GPATCH8: variants seen among roughly 807,000 people sequenced by gnomAD.
The protein encoded by GPATCH8 is G-patch domain containing 8.
In GPATCH8, 18 loss-of-function variants were observed where a neutral mutation model predicts 118.3. That is an observed-to-expected ratio of 0.15 (90% CI 0.11 to 0.23). The LOEUF (loss-of-function observed/expected upper bound fraction) is 0.23. Ranked by LOEUF, GPATCH8 falls within the 10% of genes least tolerant of loss-of-function variation. GPATCH8 has a pLI of 1.00. For missense variants in GPATCH8, 1,631 were observed against 1,873.8 expected (o/e 0.87, Z 2.39); for synonymous variants, 659 against 684.7 (o/e 0.96, Z 0.59).
intron 2 of GPATCH8, among the ~76,000 whole-genome samples, chr17:44,471,501 TA>T (rs1267956080): frequency 2.0e-5 from 3 of 150,942 alleles, no homozygotes; most frequent in African/African-American, 4.9e-5. Flanking sequence ...TACCTTTGGT[TA>T]AAAAAAAATG....
rs1231123632 is a variant in GPATCH8 at position 44,399,351 on chromosome 17, T to C, written c.2726A>G (p.His909Arg). 5.0e-6 allele frequency: 8 copies of C among 1,614,166 alleles called. No individual in the cohort carries two copies. Among genetic ancestry groups the C allele is most frequent in the Non-Finnish European group, 6.8e-6 (8 of 1,179,998 alleles). Residue 909 changes from histidine to arginine, a missense_variant, in exon 8 of 8, where the codon CAT (histidine) becomes CGT (arginine). His to Arg is a conservative substitution (Grantham distance 29, BLOSUM62 0). This residue lies in a region of GPATCH8 where 922 missense variants were observed against 879.7 expected (regional missense o/e 1.05). Coordinates refer to ENST00000591680, the MANE Select transcript of GPATCH8 (RefSeq NM_001002909.4). Reference sequence around the variant, plus strand: ...GGCATAGTCTGAGTCATCTGAGTCATGGGAGCGCTTGGAGTGCCTTCGTGA... The same window carrying C: ...GGCATAGTCTGAGTCATCTGAGTCACGGGAGCGCTTGGAGTGCCTTCGTGA... ...DRSRRHSKRS[H>R]DSDDSDYASS...
intron 1 of GPATCH8, among the ~76,000 whole-genome samples, chr17:44,484,297 T>C (rs1421404175): frequency 6.6e-6 from 1 of 152,192 alleles, no homozygotes. Flanking sequence ...AAATTTATTT[T>C]AAATGGCGTT....
Position 44,398,209 on chromosome 17 carries a change from T to C in GPATCH8, c.3868A>G (p.Ser1290Gly). 6.2e-7 allele frequency: 1 copy of C among 1,613,454 alleles called. No homozygotes were observed. Among genetic ancestry groups the C allele is most frequent in the East Asian group, 2.2e-5 (1 of 44,856 alleles). Residue 1290 changes from serine to glycine, a missense_variant, in exon 8 of 8, where the codon AGT becomes GGT. Ser to Gly is a moderately conservative substitution (Grantham distance 56, BLOSUM62 0). Coordinates refer to ENST00000591680, the MANE Select transcript of GPATCH8 (RefSeq NM_001002909.4). ...TCAGCCCCATCTGTTGACTCAATACTAGGATCCCCACTGGGAGGTGCATAA... is the reference window on the plus strand; with the variant it reads ...TCAGCCCCATCTGTTGACTCAATACCAGGATCCCCACTGGGAGGTGCATAA... ...PSYAPPSGDP[S>G]IESTDGAEDA...
chr17:44,468,371 T>TC, intron 2 of GPATCH8, among the ~76,000 whole-genome samples: 2 of 132,684 alleles, frequency 1.5e-5, no homozygotes, highest in African/African-American at 2.7e-5. Context: ...ATTTCTTTGT[T>TC]CCTTTTTTTT....
intron 1 of GPATCH8, among the ~76,000 whole-genome samples, chr17:44,478,960 C>T (rs1400632863): frequency 6.6e-6 from 1 of 152,158 alleles, no homozygotes; most frequent in Non-Finnish European, 1.5e-5. Context: ...ATCCTCCTGC[C>T]TCTGCCTCTA....
chr17:44,474,454 G>T, intron 2 of GPATCH8: 1 of 286,702 alleles, frequency 3.5e-6, no homozygotes, highest in South Asian at 3.6e-5. Flanking sequence ...TACTTATGTA[G>T]GAACATTTCA....
intron 3 of GPATCH8, among the ~76,000 whole-genome samples, chr17:44,462,995 TAAATAA>T (rs2051621642): frequency 6.8e-6 from 1 of 147,402 alleles, no homozygotes; most frequent in South Asian, 2.1e-4. Context: ...TATAAATAAA[TAAATAA>T]ATAAATAAAT....
intron 3 of GPATCH8, among the ~76,000 whole-genome samples, chr17:44,448,500 AAAAG>A (rs1477958750): frequency 9.2e-6 from 1 of 108,648 alleles, no homozygotes; most frequent in East Asian, 3.2e-4. Context: ...AAAAAAAAAA[AAAAG>A]GGGGGGGGGG....
intron 5 of GPATCH8, among the ~76,000 whole-genome samples, chr17:44,428,296 C>A (rs1159026932): frequency 6.6e-6 from 1 of 151,508 alleles, no homozygotes; most frequent in Non-Finnish European, 1.5e-5. Flanking sequence ...AGTTTGAGAC[C>A]AGCCTGACCA....
chr17:44,398,596 A>C lies in GPATCH8; in HGVS notation c.3481T>G (p.Cys1161Gly). Reference sequence around the variant, plus strand: ...CCCCTTTCCAAGCCAGACTCTTCACACTTCTTATTGGGCTTTCGGGTAGCT... The same window carrying C: ...CCCCTTTCCAAGCCAGACTCTTCACCCTTCTTATTGGGCTTTCGGGTAGCT... ...LPATRKPNKK[C>G]EESGLERGEE... Residue 1161 changes from cysteine to glycine, a missense_variant, in exon 8 of 8, where the codon TGT becomes GGT. By Grantham distance (159) the Cys-to-Gly change is radical. This residue lies in a region of GPATCH8 where 922 missense variants were observed against 879.7 expected (regional missense o/e 1.05). Transcript: ENST00000591680. The C allele has an allele frequency of 6.4e-7, 1 of 1,552,758 alleles. No homozygotes were observed. Among genetic ancestry groups the C allele is most frequent in the Non-Finnish European group, 8.7e-7 (1 of 1,154,070 alleles).
At position 44,400,066 on chromosome 17, in the gene GPATCH8, T is replaced by G; in HGVS notation, c.2011A>C (p.Lys671Gln). ...SLPSKKERSG[K>Q]SHRHKKKKKH... The stretch of plus-strand genomic sequence containing the variant: ...TTTTTCTTTTTGTGCCGGTGGGACT[T>G]CCCAGATCGTTCTTTCTTGCTGGGA... Residue 671 changes from lysine to glutamine, a missense_variant, in exon 8 of 8, where the codon AAG becomes CAG. Physicochemically the swap from Lys to Gln is moderately conservative, Grantham distance 53 (BLOSUM62 1). This residue lies in a region of GPATCH8 where 922 missense variants were observed against 879.7 expected (regional missense o/e 1.05). Coordinates refer to ENST00000591680, the MANE Select transcript of GPATCH8 (RefSeq NM_001002909.4). 3.1e-6 allele frequency: 5 copies of G among 1,614,062 alleles called. No homozygotes were observed. Among genetic ancestry groups the G allele is most frequent in the Non-Finnish European group, 4.2e-6 (5 of 1,180,026 alleles).
rs115948130 is a variant in GPATCH8, at chr17:44,492,773, G to A, written c.45+10553C>T. ...ACTTTTATAAAGGTGTAATGGTCAA[G>A]GATAAGCTTGTAGAACCCTAACTTG... On this transcript the variant is annotated intron_variant, in intron 1 of 7. Coordinates refer to ENST00000591680, the MANE Select transcript of GPATCH8 (RefSeq NM_001002909.4). Among the ~76,000 whole-genome samples, 1,189 of 152,166 alleles carry A rather than the reference G, an allele frequency of 7.8e-3. 20 individuals carry two copies. The highest frequency in any genetic ancestry group is 0.027 in the African/African-American group (1,135 of 41,524).
intron 1 of GPATCH8, among the ~76,000 whole-genome samples, chr17:44,502,523 C>T (rs1373856397): frequency 6.6e-6 from 1 of 152,156 alleles, no homozygotes; most frequent in Non-Finnish European, 1.5e-5. Flanking sequence ...TTATTTTTTA[C>T]TCAATAGAGC....
At chr17:44,445,146 CTTG>C (rs1179130497) in intron 3 of GPATCH8, among the ~76,000 whole-genome samples, 2 of 152,040 alleles carry the variant, frequency 1.3e-5, no homozygotes, top group Non-Finnish European at 2.9e-5. Flanking sequence ...AATTTCATTT[CTTG>C]TTATCACTCA....
chr17:44,414,147 A>ATATATATATGTG (rs1567955898), intron 6 of GPATCH8, among the ~76,000 whole-genome samples: 1 of 23,772 alleles, frequency 4.2e-5, no homozygotes, highest in African/African-American at 1.2e-4. Context: ...ATATATGTGT[A>ATATATATATGTG]TATATATATG....
chr17:44,491,593 C>T (rs979792632), intron 1 of GPATCH8, among the ~76,000 whole-genome samples: 5 of 151,564 alleles, frequency 3.3e-5, no homozygotes, highest in Middle Eastern at 3.2e-3. Flanking sequence ...GTGGCTTATA[C>T]TTGTAATCCT....
At chr17:44,407,391 C>T (rs1167788409) in intron 6 of GPATCH8, 1 of 151,810 alleles carries the variant, frequency 6.6e-6, no homozygotes, top group African/African-American at 2.4e-5. Flanking sequence ...TTATACTGAA[C>T]AATCAGGGAC....
chr17:44,449,634 A>G (rs1598520691), intron 3 of GPATCH8, among the ~76,000 whole-genome samples: 1 of 151,420 alleles, frequency 6.6e-6, no homozygotes, highest in East Asian at 2.0e-4. Context: ...CTCCTGCCTC[A>G]GCCTCCCGAG....
rs1338525747 is a variant in GPATCH8 at position 44,398,181 on chromosome 17, T to A, written c.3896A>T (p.Asp1299Val). The change falls in exon 8 of 8, where the codon GAT (aspartate) becomes GTT (valine). Residue 1299 changes from aspartate (D) to valine (V), a missense_variant. Physicochemically the swap from Asp to Val is radical, Grantham distance 152. Coordinates refer to ENST00000591680, the MANE Select transcript of GPATCH8 (RefSeq NM_001002909.4). ...PSIESTDGAEDASLAPLESQP... is the reference protein window; with the variant it reads ...PSIESTDGAEVASLAPLESQP... ...GCTTTCCAGGGGGGCCAGTGAAGCA[T>A]CCTCAGCCCCATCTGTTGACTCAAT... 1 of 1,613,620 alleles carries A rather than the reference T, an allele frequency of 6.2e-7. No homozygotes were observed. The highest frequency in any genetic ancestry group is 8.5e-7 in the Non-Finnish European group (1 of 1,179,630).
Sources: gnomAD v4.1 joint callset for allele counts (sites outside exome capture counted in the v4.1 genomes callset) on GRCh38, gnomAD v4.1.1 for gene constraint, gnomAD v4.1.1 regional missense constraint, MANE v1.5 for transcripts, NCBI Gene and HGNC (gene_info 2026-07-23, HGNC 2026-07-21) for gene names.